The following ATAD2B variants were observed in gnomAD, a reference collection of about 807,000 sequenced individuals.
ATAD2B encodes ATPase family AAA domain-containing protein 2B.
ATAD2B carries 40 observed loss-of-function variants against 167.6 expected under a neutral mutation model. The observed-to-expected ratio is 0.24, with a 90% CI of 0.19 to 0.31. The LOEUF (loss-of-function observed/expected upper bound fraction) is 0.31, where lower values mean the gene tolerates loss of function less well. Among genes scored for constraint, ATAD2B ranks in the 10% least tolerant of loss-of-function variants. ATAD2B has a pLI of 1.00. For missense variants in ATAD2B, 1,242 were observed against 1,757.2 expected (o/e 0.71, Z 5.24); for synonymous variants, 579 against 596.5 (o/e 0.97, Z 0.43).
intron 1 of ATAD2B, among the ~76,000 whole-genome samples, chr2:23,910,749 T>TAGC (rs1702174180): frequency 6.6e-6 from 1 of 151,804 alleles, no homozygotes; most frequent in Non-Finnish European, 1.5e-5. Flanking sequence ...ACGCCTGTAG[T>TAGC]TCCAGCTACT....
chr2:23,806,051 C>T (rs1008267312), intron 18 of ATAD2B: 1 of 152,108 alleles, frequency 6.6e-6, no homozygotes, highest in African/African-American at 2.4e-5. Context: ...CTAAAGAATG[C>T]TTTTTGCCAT....
chr2:23,715,322 C>T, the ATAD2B span, among the ~76,000 whole-genome samples: 1 of 152,162 alleles, frequency 6.6e-6, no homozygotes, highest in African/African-American at 2.4e-5. Flanking sequence ...CGCCTGTAAT[C>T]CCAGCACTTC....
At position 23,903,762 on chromosome 2, in the gene ATAD2B, A is replaced by T. The variant is rs560501249; in HGVS notation, c.217-7792T>A. ...CATTTAAAAATGAGAGATGCATGGA[A>T]CTAAGTTAATTAGCAGACCACTAGA... On this transcript the variant is annotated intron_variant, in intron 1 of 27. Coordinates refer to ENST00000238789, the MANE Select transcript of ATAD2B (RefSeq NM_017552.4). 3.3e-5 allele frequency among the ~76,000 whole-genome samples: 5 copies of T among 152,346 alleles called. No homozygotes were observed. In the South Asian group the frequency reaches 1.0e-3, roughly 32 times the overall value.
At chr2:23,828,804 C>A in intron 15 of ATAD2B, 45 bp downstream of exon 15, 1 of 1,252,486 alleles carries the variant, frequency 8.0e-7, no homozygotes, top group Non-Finnish European at 1.2e-6. Context: ...GGAGGTTGAG[C>A]AGAACAAACA....
chr2:23,781,787 CTTT>C (rs985841129), intron 22 of ATAD2B, among the ~76,000 whole-genome samples: 2 of 137,296 alleles, frequency 1.5e-5, no homozygotes, highest in Non-Finnish European at 3.2e-5. Flanking sequence ...GCTGCTGTTT[CTTT>C]TTTTTTCTTT....
chr2:23,747,378 C>T (rs1204183892), downstream of ATAD2B, among the ~76,000 whole-genome samples: 2 of 150,700 alleles, frequency 1.3e-5, no homozygotes, highest in African/African-American at 4.9e-5. Flanking sequence ...ACTATACAGC[C>T]CTGAAATATG....
intron 18 of ATAD2B, among the ~76,000 whole-genome samples, chr2:23,807,112 A>G (rs1037582368): frequency 6.6e-6 from 1 of 152,156 alleles, no homozygotes; most frequent in African/African-American, 2.4e-5. Flanking sequence ...TCTTGTTCCT[A>G]TATAGTGGTT....
At chr2:23,913,631 C>T (rs913693250) in intron 1 of ATAD2B, among the ~76,000 whole-genome samples, 2 of 143,796 alleles carry the variant, frequency 1.4e-5, no homozygotes, top group Non-Finnish European at 3.0e-5. Context: ...CAGAGCGAGA[C>T]TCTCTTGAGA....
intron 13 of ATAD2B, among the ~76,000 whole-genome samples, 159 bp downstream of exon 13, chr2:23,857,256 G>A (rs1443733193): frequency 6.6e-6 from 1 of 152,176 alleles, no homozygotes; most frequent in Non-Finnish European, 1.5e-5. Flanking sequence ...ACAGGCTGTG[G>A]TGTGCTGACC....
chr2:23,727,385 A>C, the ATAD2B span, among the ~76,000 whole-genome samples: 1 of 152,208 alleles, frequency 6.6e-6, no homozygotes, highest in African/African-American at 2.4e-5. Context: ...CTTCACACCT[A>C]TTAGAATGGC....
downstream of ATAD2B, among the ~76,000 whole-genome samples, chr2:23,747,888 A>G (rs1455497629): frequency 6.6e-6 from 1 of 152,148 alleles, no homozygotes; most frequent in Non-Finnish European, 1.5e-5. Flanking sequence ...TGTAGTTTTG[A>G]GTCTTATGGA....
At chr2:23,772,652 T>C (rs1197230590) in intron 22 of ATAD2B, among the ~76,000 whole-genome samples, 1 of 151,520 alleles carries the variant, frequency 6.6e-6, no homozygotes, top group East Asian at 1.9e-4. Flanking sequence ...AAAAAATCCA[T>C]AAAAATTTCC....
At chr2:23,743,089 G>GA in the ATAD2B span, among the ~76,000 whole-genome samples, 2 of 149,090 alleles carry the variant, frequency 1.3e-5, no homozygotes, top group Non-Finnish European at 3.0e-5. Context: ...ATATAAATGA[G>GA]AAAAGTCCAG....
chr2:23,754,192 G>T lies in ATAD2B; in HGVS notation c.4322C>A (p.Ser1441Ter). The T allele has an allele frequency of 6.5e-7, 1 of 1,536,922 alleles. No individual in the cohort carries two copies. The highest frequency in any genetic ancestry group is 8.8e-7 in the Non-Finnish European group (1 of 1,141,946). ...CTAAACACTTACCTCTACAAGTTGT[G>T]ATTTGTCATAATCTTTACGATGACG... ...IYRHRKDYDK[S>*]QLVEEMERTV... The change falls in exon 27 of 28, where the codon TCA becomes TAA. Residue 1441 changes from serine (S) to a stop codon, truncating the protein, a stop_gained. Transcript: ENST00000238789. LOFTEE classifies it high-confidence loss of function.
At chr2:23,796,079 T>C (rs904929356) in intron 19 of ATAD2B, among the ~76,000 whole-genome samples, 2 of 152,028 alleles carry the variant, frequency 1.3e-5, no homozygotes, top group African/African-American at 4.8e-5. Context: ...CAAAAGTAAG[T>C]AAACAAATAA....
intron 11 of ATAD2B, 150 bp downstream of exon 11, chr2:23,864,659 C>A (rs1694886327): frequency 2.3e-6 from 1 of 437,146 alleles, no homozygotes; most frequent in Admixed American, 4.1e-5. Flanking sequence ...GGCCTCTGGA[C>A]CCTAAACAAT....
At chr2:23,844,577 C>T (rs1691440961) in intron 13 of ATAD2B, among the ~76,000 whole-genome samples, 1 of 151,830 alleles carries the variant, frequency 6.6e-6, no homozygotes, top group Admixed American at 6.6e-5. Context: ...TAGATGAAAA[C>T]AAAAACATGA....
rs1284694586 is a variant in ATAD2B, at chr2:23,864,894, G to T, written c.1219C>A (p.His407Asn). ...ATTTCCTTTAGCGCATGAATATGAT[G>T]GCTCAATCCACCTATGCTATCAAAC... Reference protein sequence around the residue: ...VRFDSIGGLSHHIHALKEMVV... With the variant: ...VRFDSIGGLSNHIHALKEMVV... The change falls in exon 11 of 28, where the codon CAT (histidine) becomes AAT (asparagine). Residue 407 changes from histidine (H) to asparagine (N), a missense_variant. By Grantham distance (68) the His-to-Asn change is moderately conservative. Coordinates refer to ENST00000238789, the MANE Select transcript of ATAD2B (RefSeq NM_017552.4). 2 of 1,596,356 alleles carry T rather than the reference G, an allele frequency of 1.3e-6. No homozygotes were observed. The highest frequency in any genetic ancestry group is 1.7e-6 in the Non-Finnish European group (2 of 1,172,236).
chr2:23,716,005 G>T, the ATAD2B span, among the ~76,000 whole-genome samples: 3 of 152,144 alleles, frequency 2.0e-5, no homozygotes, highest in African/African-American at 7.2e-5. Context: ...TTTCTAAAGG[G>T]ATGTTCTGTT....
Sources: allele counts gnomAD v4.1 joint callset (sites outside exome capture counted in the v4.1 genomes callset), GRCh38; gene constraint gnomAD v4.1.1; transcripts MANE v1.5; gene names NCBI Gene and HGNC (gene_info 2026-07-23, HGNC 2026-07-21).